The following UBE4B variants were observed in gnomAD, a reference collection of about 807,000 sequenced individuals.
UBE4B encodes the protein ubiquitin conjugation factor E4 B.
A neutral mutation model predicts 148.1 loss-of-function variants in UBE4B; 27 were observed. That is an observed-to-expected ratio of 0.18 (90% CI 0.13 to 0.25). The LOEUF (loss-of-function observed/expected upper bound fraction) is 0.25. Ranked by LOEUF, UBE4B falls within the 10% of genes least tolerant of loss-of-function variation. The probability of loss-of-function intolerance (pLI) is 1.00; values close to 1 mark genes in which losing one functional copy is unlikely to be tolerated. For synonymous variants in UBE4B, 596 were observed against 619.3 expected, an observed-to-expected ratio of 0.96 and a Z score of 0.56; for missense variants, 1,170 against 1,662.4, an observed-to-expected ratio of 0.70 and a Z score of 5.15.
chr1:10,077,555 A>G (rs76993995), intron 2 of UBE4B, among the ~76,000 whole-genome samples: 2,511 of 152,342 alleles, frequency 0.016, 61 homozygotes, highest in African/African-American at 0.056. Flanking sequence ...TGCTTAGCAC[A>G]TGGCAAGCAG....
chr1:10,100,268 T>C (rs183880201), intron 3 of UBE4B, among the ~76,000 whole-genome samples: 26 of 152,038 alleles, frequency 1.7e-4, no homozygotes, highest in Non-Finnish European at 2.9e-4. Flanking sequence ...GGATTACAGG[T>C]GTGAGCCATC....
chr1:10,083,069 G>T (rs536064904), intron 2 of UBE4B, among the ~76,000 whole-genome samples: 21 of 152,156 alleles, frequency 1.4e-4, no homozygotes, highest in African/African-American at 4.6e-4. Context: ...GGGCATTTGG[G>T]TTGGTTCCAT....
At chr1:10,089,193 G>A (rs1237163166) in intron 2 of UBE4B, among the ~76,000 whole-genome samples, 1 of 152,024 alleles carries the variant, frequency 6.6e-6, no homozygotes, top group Non-Finnish European at 1.5e-5. Flanking sequence ...TTTTAGTAGA[G>A]ACAGGGTTTC....
intron 2 of UBE4B, among the ~76,000 whole-genome samples, chr1:10,076,665 A>G (rs910520075): frequency 7.9e-5 from 12 of 151,486 alleles, no homozygotes; most frequent in African/African-American, 2.2e-4. Flanking sequence ...TTCAGTTGCA[A>G]GTAACTAAAG....
chr1:10,091,869 G>C (rs1451775622), intron 2 of UBE4B, among the ~76,000 whole-genome samples: 2 of 152,068 alleles, frequency 1.3e-5, no homozygotes, highest in South Asian at 2.1e-4. Flanking sequence ...CCTCTCAAAA[G>C]TGCTGAGATT....
intron 15 of UBE4B, among the ~76,000 whole-genome samples, chr1:10,133,256 T>C (rs1326240372): frequency 1.3e-5 from 2 of 152,184 alleles, no homozygotes; most frequent in African/African-American, 4.8e-5. Flanking sequence ...GCAAAAATCA[T>C]GTAGAGAGAA....
chr1:10,051,499 AC>A (rs1054219436), intron 1 of UBE4B, among the ~76,000 whole-genome samples: 4 of 152,284 alleles, frequency 2.6e-5, no homozygotes, highest in Non-Finnish European at 5.9e-5. Flanking sequence ...TAGCAAATAG[AC>A]CGTGGCTTAT....
At chr1:10,176,612 G>A (rs760085664) in intron 25 of UBE4B, among the ~76,000 whole-genome samples, 25 of 151,686 alleles carry the variant, frequency 1.6e-4, no homozygotes, top group South Asian at 6.2e-4. Flanking sequence ...ATTTCATTGC[G>A]GTTTTGATTT....
chr1:10,155,215 G>T (rs1240845575), intron 21 of UBE4B, among the ~76,000 whole-genome samples: 1 of 152,028 alleles, frequency 6.6e-6, no homozygotes, highest in Non-Finnish European at 1.5e-5. Flanking sequence ...ATTGGGTGGG[G>T]GTTGTTCTCT....
At chr1:10,158,563 G>A (rs190656574) in intron 22 of UBE4B, 81 bp downstream of exon 22, 15,683 of 1,535,214 alleles carry the variant, frequency 0.01, 112 homozygotes, top group Non-Finnish European at 0.012. Context: ...ATGCACAGCT[G>A]GGTTCTTGTT....
intron 1 of UBE4B, among the ~76,000 whole-genome samples, chr1:10,043,476 G>T (rs1356797592): frequency 6.9e-6 from 1 of 144,284 alleles, no homozygotes; most frequent in African/African-American, 2.6e-5. Context: ...ACCCAGGCTG[G>T]AGTGCAGTGG....
intron 22 of UBE4B, among the ~76,000 whole-genome samples, chr1:10,159,216 G>A (rs1006276743): frequency 6.6e-6 from 1 of 152,110 alleles, no homozygotes; most frequent in African/African-American, 2.4e-5. Flanking sequence ...ATTCTTTGTG[G>A]TAAGGCCCTA....
chr1:10,103,905 C>T lies in UBE4B; in HGVS notation c.580+813C>T, dbSNP rs549025009. 5.9e-4 allele frequency among the ~76,000 whole-genome samples: 90 copies of T among 152,196 alleles called. 1 individual carries two copies. Among genetic ancestry groups the T allele is most frequent in the Non-Finnish European group, 2.1e-4 (14 of 68,006 alleles). ...CCTCCCAAAGTGCTGGGATTACAGG[C>T]ATGAGCCACCGTGCCTGGCCTCATT... On this transcript the variant is annotated intron_variant, in intron 5 of 27. Transcript: ENST00000343090.
intron 5 of UBE4B, among the ~76,000 whole-genome samples, chr1:10,104,126 A>G (rs1286275231): frequency 6.6e-6 from 1 of 152,160 alleles, no homozygotes; most frequent in Non-Finnish European, 1.5e-5. Context: ...AGTGTTCTGT[A>G]TGAGCTATAC....
At chr1:10,062,575 G>A (rs1644306351) in intron 1 of UBE4B, among the ~76,000 whole-genome samples, 1 of 151,302 alleles carries the variant, frequency 6.6e-6, no homozygotes, top group Non-Finnish European at 1.5e-5. Context: ...GGCTCCCAAA[G>A]TGTTGGGGCT....
At chr1:10,172,375 T>C (rs968358915) in intron 25 of UBE4B, among the ~76,000 whole-genome samples, 1 of 152,166 alleles carries the variant, frequency 6.6e-6, no homozygotes, top group Non-Finnish European at 1.5e-5. Flanking sequence ...TCCTTTGAGG[T>C]AGGTTCTGTA....
At chr1:10,153,595 G>A (rs1477222238) in intron 21 of UBE4B, among the ~76,000 whole-genome samples, 2 of 151,466 alleles carry the variant, frequency 1.3e-5, no homozygotes, top group Non-Finnish European at 2.9e-5. Context: ...CCAAGGCAGT[G>A]GATCACCTGA....
intron 4 of UBE4B, among the ~76,000 whole-genome samples, chr1:10,102,482 T>G (rs1002013909): frequency 1.4e-5 from 2 of 142,292 alleles, no homozygotes; most frequent in African/African-American, 5.3e-5. Flanking sequence ...GTGATCTTGG[T>G]TCACCACAAC....
chr1:10,109,110 T>G (rs1019543875), intron 7 of UBE4B, among the ~76,000 whole-genome samples: 5 of 151,984 alleles, frequency 3.3e-5, no homozygotes, highest in African/African-American at 1.2e-4. Context: ...CAAATACTCA[T>G]GGAGCATTGT....
Sources: gnomAD v4.1 joint callset for allele counts (sites outside exome capture counted in the v4.1 genomes callset) on GRCh38, gnomAD v4.1.1 for gene constraint, MANE v1.5 for transcripts, NCBI Gene and HGNC (gene_info 2026-07-23, HGNC 2026-07-21) for gene names.